Variants in IL13RA2 observed in about 807,000 individuals in gnomAD.
IL13RA2 encodes interleukin 13 receptor subunit alpha 2, also known as interleukin-13 receptor subunit alpha-2.
IL13RA2 carries 25 observed loss-of-function variants against 34.1 expected under a neutral mutation model. That is an observed-to-expected ratio of 0.73 (90% CI 0.53 to 1.03). The LOEUF is 1.03. IL13RA2 is among the 50% of genes least tolerant of loss of function. IL13RA2 has a pLI of 0.00. For synonymous variants in IL13RA2, 106 were observed against 100.4 expected (o/e 1.06, Z -0.33); for missense variants, 297 against 280.9 (o/e 1.06, Z -0.41).
At chrX:115,005,451 A>T (rs1471255618) in intron 8 of IL13RA2, 136 bp from the exon 9 acceptor site, 1 of 484,148 alleles carries the variant, frequency 2.1e-6, no homozygotes, top group Non-Finnish European at 3.7e-6. Flanking sequence ...CATAAATACC[A>T]CAATTGTGTT....
intron 7 of IL13RA2, 123 bp from the exon 8 acceptor site, chrX:115,008,199 G>T (rs2071692541): frequency 3.9e-6 from 2 of 518,546 alleles, no homozygotes; most frequent in Non-Finnish European, 6.5e-6. Flanking sequence ...TGCATCAAAA[G>T]ACTGGATGCA....
At chrX:115,005,714 T>C (rs2071682812) in intron 8 of IL13RA2, among the ~76,000 whole-genome samples, 2 of 112,190 alleles carry the variant, frequency 1.8e-5, no homozygotes, top group South Asian at 3.7e-4. Flanking sequence ...ACTTAGATCA[T>C]AGGATACTGT....
chrX:115,010,936 T>C, intron 5 of IL13RA2, 108 bp from the exon 6 acceptor site: 2 of 382,909 alleles, frequency 5.2e-6, no homozygotes, highest in Non-Finnish European at 9.1e-6. Context: ...AAAAATCATT[T>C]AATAATGTAC....
chrX:115,009,499 C>A (rs1556508411), intron 7 of IL13RA2, 22 bp downstream of exon 7: 2 of 1,157,308 alleles, frequency 1.7e-6, no homozygotes, highest in Admixed American at 4.5e-5. Context: ...ATGATTTTCC[C>A]AAATAAATGC....
rs782358709 is a variant in IL13RA2 at position 115,005,614 on chromosome X, CT to C, written c.998-300del. ...TTGTTTATATTTGACCTTGTGAATT[CT>C]CCATTTAAAAATGACAAAATATTAG... is the stretch of plus-strand genomic sequence containing the variant. On this transcript the variant is annotated intron_variant, in intron 8 of 9. Transcript: ENST00000243213. 4.2e-3 allele frequency among the ~76,000 whole-genome samples: 472 copies of C among 111,939 alleles called. 5 individuals carry two copies. The highest frequency in any genetic ancestry group is 0.015 in the African/African-American group (453 of 30,863).
chrX:115,016,255 T>TA (rs781963277), intron 2 of IL13RA2, among the ~76,000 whole-genome samples: 10 of 111,417 alleles, frequency 9.0e-5, no homozygotes, highest in African/African-American at 3.3e-4. Flanking sequence ...GTGAATATAC[T>TA]AAAAACCAAC....
intron 7 of IL13RA2, among the ~76,000 whole-genome samples, chrX:115,008,880 G>T (rs782205801): frequency 1.8e-5 from 2 of 111,937 alleles, no homozygotes; most frequent in Admixed American, 1.9e-4. Context: ...TAATTTGATT[G>T]TAAGTGAATT....
chrX:115,013,225 G>A (rs138118576), intron 5 of IL13RA2, among the ~76,000 whole-genome samples: 1,224 of 111,250 alleles, frequency 0.011, 13 homozygotes, highest in Non-Finnish European at 0.014. Context: ...CAATCATCCA[G>A]GTGTGGAATG....
Position 115,012,777 on chromosome X carries a change from CA to C in IL13RA2, c.521+991del, listed in dbSNP as rs112232206. Among the ~76,000 whole-genome samples, 127 of 95,785 alleles carry C rather than the reference CA, an allele frequency of 1.3e-3. 1 individual carries two copies. The highest frequency in any genetic ancestry group is 2.4e-3 in the Admixed American group (21 of 8,678). 83.2% of individuals were successfully genotyped at this position (95,785 alleles called of 115,157 possible). ...GAGACTCTTGTCTCAAACAAACAAA[CA>C]AAAAAAAAAACAAAGTAATAGCTCA... On this transcript the variant is annotated intron_variant, in intron 5 of 9. Transcript: ENST00000243213.
chrX:115,007,778 T>A (rs2071690849), intron 8 of IL13RA2, among the ~76,000 whole-genome samples, 154 bp downstream of exon 8: 1 of 112,224 alleles, frequency 8.9e-6, no homozygotes, highest in Non-Finnish European at 1.9e-5. Flanking sequence ...TTTTAATAAA[T>A]CTTTATTCAA....
rs1372120275 is a variant in IL13RA2, at chrX:115,006,664, T to C, written c.997+1268A>G. Among the ~76,000 whole-genome samples the C allele has an allele frequency of 5.4e-5, 6 of 111,224 alleles. No homozygotes were observed. The Admixed American group carries it at 5.8e-4, about 11-fold the overall frequency. ...TGCCACTGCACTCCAGCCTGGGTGA[T>C]AGAGCAAGACTCTGTACCAAAAAAA... is the stretch of plus-strand genomic sequence containing the variant. On this transcript the variant is annotated intron_variant, in intron 8 of 9. Coordinates refer to ENST00000243213, the MANE Select transcript of IL13RA2 (RefSeq NM_000640.3).
intron 8 of IL13RA2, among the ~76,000 whole-genome samples, chrX:115,006,019 G>A (rs181025533): frequency 1.0e-3 from 113 of 111,797 alleles, no homozygotes; most frequent in African/African-American, 2.7e-3. Flanking sequence ...TCTTAGCCAC[G>A]CATCTACAAA....
Position 115,008,077 on chromosome X carries a change from C to A in IL13RA2, c.853-1G>T. The stretch of plus-strand genomic sequence containing the variant: ...ATGTTTCATTTTCAACTGTAGCAGT[C>A]TGAAAGCCAAGGACAAAATCAGATG... On this transcript the variant is annotated splice_acceptor_variant, in intron 7 of 9. Coordinates refer to ENST00000243213, the MANE Select transcript of IL13RA2 (RefSeq NM_000640.3). LOFTEE classifies it high-confidence loss of function. 8.7e-7 allele frequency: 1 copy of A among 1,143,992 alleles called. No homozygotes were observed. The highest frequency in any genetic ancestry group is 1.2e-6 in the Non-Finnish European group (1 of 837,036). 94.3% of individuals were successfully genotyped at this position (1,143,992 alleles called of 1,213,427 possible). A position where few individuals can be genotyped will look rare whatever the true frequency, so the allele number is the denominator to read the frequency against.
intron 7 of IL13RA2, among the ~76,000 whole-genome samples, chrX:115,008,338 C>T (rs1389032773): frequency 3.6e-5 from 4 of 111,164 alleles, no homozygotes; most frequent in African/African-American, 1.3e-4. Context: ...ATGTGTGAGA[C>T]AGCAAAATTC....
intron 6 of IL13RA2, among the ~76,000 whole-genome samples, 175 bp from the exon 7 acceptor site, chrX:115,009,841 T>G (rs1239493328): frequency 8.9e-6 from 1 of 111,884 alleles, no homozygotes; most frequent in East Asian, 2.8e-4. Flanking sequence ...AAGATGAGTT[T>G]ATTAACAAAC....
At position 115,005,217 on chromosome X, in the gene IL13RA2, G is replaced by T. The variant is rs1049346305; in HGVS notation, c.1096C>A (p.Pro366Thr). 11 of 1,020,824 alleles carry T rather than the reference G, an allele frequency of 1.1e-5. No homozygotes were observed. Among genetic ancestry groups the T allele is most frequent in the Non-Finnish European group, 1.4e-5 (10 of 721,162 alleles). 84.1% of individuals were successfully genotyped at this position (1,020,824 alleles called of 1,213,427 possible). ...CTTACCATTTTTGGGTAGGTGTTTG[G>T]CTTACGCAAAAGCAGACCGGTTACA... ...IFVTGLLLRKPNTYPKMIPEF... is the reference protein window; with the variant it reads ...IFVTGLLLRKTNTYPKMIPEF... Residue 366 changes from proline (P) to threonine (T), a missense_variant, in exon 9 of 10, where the codon CCA (proline) becomes ACA (threonine). Physicochemically the swap from Pro to Thr is conservative, Grantham distance 38 (BLOSUM62 -1). Transcript: ENST00000243213.
At position 115,013,797 on chromosome X, in the gene IL13RA2, G is replaced by T. The variant is rs924745757; in HGVS notation, c.493C>A (p.Leu165Ile). 2 of 1,049,642 alleles carry T rather than the reference G, an allele frequency of 1.9e-6. No individual in the cohort carries two copies. The highest frequency in any genetic ancestry group is 2.7e-6 in the Non-Finnish European group (2 of 752,049). 86.5% of individuals were successfully genotyped at this position (1,049,642 alleles called of 1,213,427 possible). ...CSWKPGIGVL[L>I]DTNYNLFYWY... is the part of the protein sequence containing the mutation. ...TAAAACAAGTTGTAATTGGTATCAAGAAGTACACCTATGCCAGGTTTCCAA... is the reference window on the plus strand; with the variant it reads ...TAAAACAAGTTGTAATTGGTATCAATAAGTACACCTATGCCAGGTTTCCAA... Residue 165 changes from leucine to isoleucine, a missense_variant, in exon 5 of 10, where the codon CTT becomes ATT. Coordinates refer to ENST00000243213, the MANE Select transcript of IL13RA2 (RefSeq NM_000640.3).
Position 115,017,170 on chromosome X carries a change from AT to A in IL13RA2, c.94+5del. On this transcript the variant is annotated splice_donor_5th_base_variant and intron_variant, in intron 2 of 9. Transcript: ENST00000243213. Reference sequence around the variant, plus strand: ...TTTAAAAACTATTCCATTAAAATCCATTTACCTTTTATCTCGGTGTCTGAAG... The same window carrying A: ...TTTAAAAACTATTCCATTAAAATCCATTACCTTTTATCTCGGTGTCTGAAG... 1.4e-6 allele frequency: 1 copy of A among 736,325 alleles called. No homozygotes were observed. Among genetic ancestry groups the A allele is most frequent in the Non-Finnish European group, 2.1e-6 (1 of 467,739 alleles). 60.7% of individuals were successfully genotyped at this position (736,325 alleles called of 1,213,427 possible). A position where few individuals can be genotyped will look rare whatever the true frequency, so the allele number is the denominator to read the frequency against.
chrX:115,013,091 G>A (rs1464309032), intron 5 of IL13RA2, among the ~76,000 whole-genome samples: 1 of 111,132 alleles, frequency 9.0e-6, no homozygotes, highest in Non-Finnish European at 1.9e-5. Context: ...GAACAAGAGA[G>A]TGGTATATGA....
Sources: allele counts gnomAD v4.1 joint callset (sites outside exome capture counted in the v4.1 genomes callset), GRCh38; gene constraint gnomAD v4.1.1; transcripts MANE v1.5; gene names NCBI Gene and HGNC (gene_info 2026-07-23, HGNC 2026-07-21).